HDAC9: variants seen among roughly 807,000 people sequenced by gnomAD.
HDAC9 encodes MEF-2 interacting transcription repressor (MITR) protein.
HDAC9 carries 41 observed loss-of-function variants against 139.4 expected under a neutral mutation model. That is an observed-to-expected ratio of 0.29 (90% CI 0.23 to 0.38). HDAC9 has a LOEUF of 0.38. HDAC9 is among the 10% of genes least tolerant of loss of function. The pLI is 1.00. For synonymous variants in HDAC9, 517 were observed against 476.2 expected (o/e 1.09, Z -1.12); for missense variants, 1,147 against 1,297.0 (o/e 0.88, Z 1.78).
chr7:18,738,472 C>T (rs1787133523), intron 13 of HDAC9, among the ~76,000 whole-genome samples: 2 of 152,178 alleles, frequency 1.3e-5, no homozygotes, highest in Admixed American at 6.5e-5. Context: ...CAACATTACT[C>T]AGCATTTGCT....
At chr7:18,636,159 A>T (rs1295113908) in intron 8 of HDAC9, among the ~76,000 whole-genome samples, 3 of 152,070 alleles carry the variant, frequency 2.0e-5, no homozygotes, top group Non-Finnish European at 4.4e-5. Context: ...GAGATAGAAG[A>T]TAAAGCCTAG....
intron 1 of HDAC9, among the ~76,000 whole-genome samples, chr7:18,299,054 T>C (rs928164625): frequency 4.6e-5 from 7 of 152,126 alleles, no homozygotes; most frequent in Non-Finnish European, 5.9e-5. Context: ...ATTTATATAA[T>C]AAAAATTCAG....
At chr7:18,950,539 C>G (rs567025568) in intron 23 of HDAC9, among the ~76,000 whole-genome samples, 1 of 152,020 alleles carries the variant, frequency 6.6e-6, no homozygotes, top group Non-Finnish European at 1.5e-5. Flanking sequence ...AAGTATTTCT[C>G]CATTTATTCA....
intron 2 of HDAC9, among the ~76,000 whole-genome samples, chr7:18,534,477 G>GC (rs768899857): frequency 3.3e-4 from 50 of 152,320 alleles, no homozygotes; most frequent in Admixed American, 1.0e-3. Context: ...AGCCTTAGAG[G>GC]TCAAGGCTGA....
chr7:18,688,709 G>A (rs561626655), intron 12 of HDAC9, among the ~76,000 whole-genome samples: 155 of 151,856 alleles, frequency 1.0e-3, no homozygotes, highest in African/African-American at 3.5e-3. Flanking sequence ...TGTTTCCACC[G>A]AAAAACTAGA....
intron 17 of HDAC9, among the ~76,000 whole-genome samples, chr7:18,826,221 G>T (rs1416275412): frequency 6.6e-6 from 1 of 152,090 alleles, no homozygotes; most frequent in Non-Finnish European, 1.5e-5. Context: ...AGTATTGTGG[G>T]GGTAGGTGCA....
At chr7:18,289,490 T>C (rs561393541), upstream of HDAC9, among the ~76,000 whole-genome samples, 1 of 152,304 alleles carries the variant, frequency 6.6e-6, no homozygotes, top group African/African-American at 2.4e-5. Flanking sequence ...AAATATATTT[T>C]AAAAATTAGA....
At chr7:18,567,139 C>T (rs1822607774) in intron 2 of HDAC9, among the ~76,000 whole-genome samples, 2 of 152,176 alleles carry the variant, frequency 1.3e-5, no homozygotes, top group African/African-American at 4.8e-5. Context: ...TGAGTATGTC[C>T]TGCAGCATGC....
At chr7:18,862,346 C>T (rs763966063) in intron 21 of HDAC9, among the ~76,000 whole-genome samples, 5 of 152,070 alleles carry the variant, frequency 3.3e-5, no homozygotes, top group East Asian at 1.9e-4. Context: ...ATAATAGAGC[C>T]GCATATGACT....
rs1249239049 is a variant in HDAC9 at position 18,428,008 on chromosome 7, AT to A, written c.-41-68251del. ...GTATGTGTCCTTCTGTGACTAGTTT[AT>A]TTCACTTAGCATAATGTCCTCAAGT... On this transcript the variant is annotated intron_variant, in intron 1 of 3. Coordinates refer to the HDAC9 transcript ENST00000413509. Among the ~76,000 whole-genome samples, 5 of 151,998 alleles carry A rather than the reference AT, an allele frequency of 3.3e-5. No homozygotes were observed. In the East Asian group the frequency reaches 7.7e-4, roughly 23 times the overall value.
chr7:18,840,270 T>C (rs2129214546), intron 21 of HDAC9, among the ~76,000 whole-genome samples: 1 of 152,204 alleles, frequency 6.6e-6, no homozygotes, highest in Admixed American at 6.6e-5. Context: ...TTAAATATCA[T>C]CTTTTCATGT....
At chr7:18,884,324 AG>A (rs1190364488) in intron 22 of HDAC9, among the ~76,000 whole-genome samples, 1 of 152,240 alleles carries the variant, frequency 6.6e-6, no homozygotes, top group Non-Finnish European at 1.5e-5. Flanking sequence ...CAATCATAAA[AG>A]CATGACAGTG....
At chr7:18,237,525 A>C (rs1034985225) in intron 2 of HDAC9, among the ~76,000 whole-genome samples, 1 of 152,198 alleles carries the variant, frequency 6.6e-6, no homozygotes, top group African/African-American at 2.4e-5. Flanking sequence ...TAGAGGGATT[A>C]TGAGTATGGA....
At chr7:18,332,524 A>G (rs1801009540) in intron 1 of HDAC9, among the ~76,000 whole-genome samples, 1 of 151,548 alleles carries the variant, frequency 6.6e-6, no homozygotes, top group Non-Finnish European at 1.5e-5. Flanking sequence ...ATATTCCGTA[A>G]TTGGTCCAAT....
chr7:18,287,199 A>G (rs1053926587), upstream of HDAC9, among the ~76,000 whole-genome samples: 6 of 152,044 alleles, frequency 3.9e-5, no homozygotes, highest in Non-Finnish European at 4.4e-5. Flanking sequence ...TATATTTTCT[A>G]TTGCTTATTT....
chr7:18,622,969 C>T (rs889278984), intron 6 of HDAC9, among the ~76,000 whole-genome samples: 1 of 151,594 alleles, frequency 6.6e-6, no homozygotes, highest in Non-Finnish European at 1.5e-5. Context: ...TGTGGCAAAA[C>T]CCCATCTGTA....
chr7:18,815,592 G>A (rs1169427360), intron 17 of HDAC9, among the ~76,000 whole-genome samples: 3 of 152,202 alleles, frequency 2.0e-5, no homozygotes, highest in African/African-American at 7.2e-5. Flanking sequence ...TGTAGCCCCA[G>A]TTTTGACAGG....
At position 18,975,787 on chromosome 7, in the gene HDAC9, TGATG is replaced by T; in HGVS notation, c.3023-14_3023-11del. 1 of 1,611,810 alleles carries T rather than the reference TGATG, an allele frequency of 6.2e-7. No individual in the cohort carries two copies. Among genetic ancestry groups the T allele is most frequent in the Non-Finnish European group, 8.5e-7 (1 of 1,178,144 alleles). ...CTGTAATTACAATTCTTATGAAGTATGATGGATGTTTTTCCTAGGCAAGTATTGG... is the reference window on the plus strand; with the variant it reads ...CTGTAATTACAATTCTTATGAAGTATGATGTTTTTCCTAGGCAAGTATTGG... On this transcript the variant is annotated splice_polypyrimidine_tract_variant and intron_variant, in intron 24 of 25. Transcript: ENST00000686413.
intron 1 of HDAC9, among the ~76,000 whole-genome samples, chr7:18,150,357 A>G (rs1433133933): frequency 1.3e-5 from 2 of 152,186 alleles, no homozygotes; most frequent in Admixed American, 1.3e-4. Flanking sequence ...ATTGCTAGCA[A>G]AAACTTTAGA....
Sources: gnomAD v4.1 joint callset for allele counts (sites outside exome capture counted in the v4.1 genomes callset) on GRCh38, gnomAD v4.1.1 for gene constraint, MANE v1.5 for transcripts, NCBI Gene and HGNC (gene_info 2026-07-23, HGNC 2026-07-21) for gene names.